ASPHD2: variants seen among roughly 807,000 people sequenced by gnomAD.
ASPHD2 encodes the protein aspartate beta-hydroxylase domain containing 2, also known as aspartate beta-hydroxylase domain-containing protein 2.
In ASPHD2, 12 loss-of-function variants were observed where a neutral mutation model predicts 34.6. That is an observed-to-expected ratio of 0.35 (90% CI 0.22 to 0.56). The LOEUF is 0.56. Among genes scored for constraint, ASPHD2 ranks in the 20% least tolerant of loss-of-function variants. The pLI is 0.87. For synonymous variants in ASPHD2, 224 were observed against 212.2 expected (o/e 1.06, Z -0.48); for missense variants, 375 against 505.0 (o/e 0.74, Z 2.47).
At position 26,443,406 on chromosome 22, in the gene ASPHD2, T is replaced by G. The variant is rs1346477101; in HGVS notation, c.*200T>G. Reference sequence around the variant, plus strand: ...TGGAAACTTTTCGGCTTGTATTTCCTTAGATTTTTTTTTTTTCCTTCCAAT... The same window carrying G: ...TGGAAACTTTTCGGCTTGTATTTCCGTAGATTTTTTTTTTTTCCTTCCAAT... On this transcript the variant is annotated 3_prime_UTR_variant, in exon 4 of 4. Coordinates refer to ENST00000215906, the MANE Select transcript of ASPHD2 (RefSeq NM_020437.5). 1.8e-6 allele frequency: 1 copy of G among 543,864 alleles called. No homozygotes were observed. Among genetic ancestry groups the G allele is most frequent in the Admixed American group, 3.5e-5 (1 of 28,756 alleles). The allele number at this position is 543,864 out of a possible 1,614,324, so 33.7% of individuals were successfully genotyped here.
rs1404903648 is a variant in ASPHD2 at position 26,433,352 on chromosome 22, C to T, written c.-224-40C>T. 1 of 517,404 alleles carries T rather than the reference C, an allele frequency of 1.9e-6. No individual in the cohort carries two copies. Among genetic ancestry groups the T allele is most frequent in the Non-Finnish European group, 3.4e-6 (1 of 294,180 alleles). The allele number at this position is 517,404 out of a possible 1,614,324, so 32.1% of individuals were successfully genotyped here. On this transcript the variant is annotated intron_variant, in intron 1 of 3. Transcript: ENST00000215906. The surrounding 1 kb of genome is among the most constrained non-coding windows in gnomAD (Gnocchi z 5.1). The stretch of plus-strand genomic sequence containing the variant: ...TTTACATTTCAGTTGAGGACTTTTC[C>T]AGGTGTAAAATTTATGCTGATTTTT...
chr22:26,435,755 G>GAAAAGAAAAGAA, intron 2 of ASPHD2, among the ~76,000 whole-genome samples: 1 of 86,136 alleles, frequency 1.2e-5, no homozygotes, highest in South Asian at 3.0e-4. Flanking sequence ...GAAAAGAAAA[G>GAAAAGAAAAGAA]AAAAGAAAAA....
At chr22:26,438,452 CATATATAT>C (rs1179581270) in intron 2 of ASPHD2, among the ~76,000 whole-genome samples, 1 of 126,530 alleles carries the variant, frequency 7.9e-6, no homozygotes, top group Non-Finnish European at 1.7e-5. Context: ...CATATATATA[CATATATAT>C]ACACACACAC....
chr22:26,443,117 C>T lies in ASPHD2; in HGVS notation c.1021C>T (p.Arg341Trp), dbSNP rs145158799. Residue 341 changes from arginine (R) to tryptophan (W), a missense_variant, in exon 4 of 4, where the codon CGG becomes TGG. Coordinates refer to ENST00000215906, the MANE Select transcript of ASPHD2 (RefSeq NM_020437.5). Reference protein sequence around the residue: ...FHEGSAEDGPRVVFMVDLWHP... With the variant: ...FHEGSAEDGPWVVFMVDLWHP... Reference sequence around the variant, plus strand: ...CCCAGGTTCAGCAGAGGATGGCCCACGGGTGGTTTTCATGGTGGATTTGTG... The same window carrying T: ...CCCAGGTTCAGCAGAGGATGGCCCATGGGTGGTTTTCATGGTGGATTTGTG... 73 of 1,613,968 alleles carry T rather than the reference C, an allele frequency of 4.5e-5. No homozygotes were observed. Among genetic ancestry groups the T allele is most frequent in the African/African-American group, 2.3e-4 (17 of 74,914 alleles).
chr22:26,436,841 C>CGTGT (rs1568983412), intron 2 of ASPHD2, among the ~76,000 whole-genome samples: 2 of 108,438 alleles, frequency 1.8e-5, no homozygotes, highest in Non-Finnish European at 3.8e-5. Context: ...GATATGCATG[C>CGTGT]ATGTGTGTGT....
chr22:26,430,897 T>TAC (rs957938214), intron 1 of ASPHD2, among the ~76,000 whole-genome samples: 1 of 152,186 alleles, frequency 6.6e-6, no homozygotes, highest in Admixed American at 6.5e-5. Flanking sequence ...GCTGGCTTAG[T>TAC]ACAGAAGGAG....
chr22:26,436,137 G>T (rs3788400), intron 2 of ASPHD2, among the ~76,000 whole-genome samples: 7 of 152,000 alleles, frequency 4.6e-5, no homozygotes, highest in African/African-American at 1.7e-4. Context: ...AACAGGCTTC[G>T]GAAGCAAACA....
chr22:26,434,112 A>G lies in ASPHD2; in HGVS notation c.497A>G (p.Glu166Gly). Residue 166 changes from glutamate to glycine, a missense_variant, in exon 2 of 4, where the codon GAG becomes GGG. Physicochemically the swap from Glu to Gly is moderately conservative, Grantham distance 98. Transcript: ENST00000215906. ...AGCCGGCCCTCCATCCAGAAGCCCGAGGTCTTCTTCCTGCCCGACCTGCCC... is the reference window on the plus strand; with the variant it reads ...AGCCGGCCCTCCATCCAGAAGCCCGGGGTCTTCTTCCTGCCCGACCTGCCC... ...LNSRPSIQKPEVFFLPDLPTT... is the reference protein window; with the variant it reads ...LNSRPSIQKPGVFFLPDLPTT... 1.2e-6 allele frequency: 2 copies of G among 1,612,612 alleles called. No homozygotes were observed. The highest frequency in any genetic ancestry group is 1.7e-6 in the Non-Finnish European group (2 of 1,179,534).
intron 2 of ASPHD2, 114 bp downstream of exon 2, chr22:26,434,615 CT>C: frequency 8.2e-7 from 1 of 1,218,822 alleles, no homozygotes; most frequent in Non-Finnish European, 1.1e-6. Context: ...GCATTGTTCA[CT>C]TTTAGCAAAA....
intron 2 of ASPHD2, among the ~76,000 whole-genome samples, chr22:26,436,479 G>A (rs984709010): frequency 1.3e-5 from 2 of 152,176 alleles, no homozygotes; most frequent in Admixed American, 6.5e-5. Flanking sequence ...ATCAGGTGCC[G>A]CCAGGGTGGA....
At position 26,444,126 on chromosome 22, in the gene ASPHD2, C is replaced by T. The variant is rs953021911; in HGVS notation, c.*920C>T. On this transcript the variant is annotated 3_prime_UTR_variant, in exon 4 of 4. Coordinates refer to ENST00000215906, the MANE Select transcript of ASPHD2 (RefSeq NM_020437.5). ...GATAGGAGCTGTAGGGGGATAGGAC[C>T]GCGCTCACCCAGCGACATTTGGGGA... The T allele has an allele frequency of 2.0e-5, 3 of 152,242 alleles. No homozygotes were observed. Among genetic ancestry groups the T allele is most frequent in the African/African-American group, 4.8e-5 (2 of 41,546 alleles). The allele number at this position is 152,242 out of a possible 1,614,324, so 9.4% of individuals were successfully genotyped here.
chr22:26,439,211 C>T (rs1003820093), intron 2 of ASPHD2, among the ~76,000 whole-genome samples: 10 of 152,060 alleles, frequency 6.6e-5, no homozygotes, highest in African/African-American at 1.9e-4. Flanking sequence ...CCAGCCTGGC[C>T]AACATGGTGA....
intron 2 of ASPHD2, among the ~76,000 whole-genome samples, chr22:26,436,891 A>G (rs1272925584): frequency 2.0e-5 from 3 of 151,890 alleles, no homozygotes; most frequent in Non-Finnish European, 4.4e-5. Context: ...GCTGGCTCAC[A>G]CTGTGGCCTG....
rs1315687822 is a variant in ASPHD2, at chr22:26,442,492, T to TG, written c.926dup (p.Glu310ArgfsTer14). On this transcript the variant is annotated frameshift_variant, in exon 3 of 4. Coordinates refer to ENST00000215906, the MANE Select transcript of ASPHD2 (RefSeq NM_020437.5). LOFTEE classifies it high-confidence loss of function. ...ACTCCAAATGGCTGTGAGCTGGTGG[T>TG]GGGGGGAGAGCCCCAGTGCTGGGCA... 6.2e-7 allele frequency: 1 copy of TG among 1,608,864 alleles called. No individual in the cohort carries two copies.
chr22:26,438,177 C>G lies in ASPHD2; in HGVS notation c.886+3676C>G, dbSNP rs1324647051. Among the ~76,000 whole-genome samples the G allele has an allele frequency of 5.3e-5, 8 of 152,140 alleles. No individual in the cohort carries two copies. In the East Asian group the frequency reaches 1.5e-3, roughly 29 times the overall value. Reference sequence around the variant, plus strand: ...CTGTCCCTGCAGAGAACTGCCCATTCCTAAAGGCCTTCGCCACCTGAACCA... The same window carrying G: ...CTGTCCCTGCAGAGAACTGCCCATTGCTAAAGGCCTTCGCCACCTGAACCA... On this transcript the variant is annotated intron_variant, in intron 2 of 3. Transcript: ENST00000215906.
rs1305316405 is a variant in ASPHD2 at position 26,433,784 on chromosome 22, G to C, written c.169G>C (p.Asp57His). Reference sequence around the variant, plus strand: ...CGGCATCCAGTCCGTGCGGGACTGCGACACCACCGCTGTCATCACTGTGGC... The same window carrying C: ...CGGCATCCAGTCCGTGCGGGACTGCCACACCACCGCTGTCATCACTGTGGC... ...ATGIQSVRDC[D>H]TTAVITVACL... The change falls in exon 2 of 4, where the codon GAC (aspartate) becomes CAC (histidine). Residue 57 changes from aspartate to histidine, a missense_variant. By Grantham distance (81) the Asp-to-His change is moderately conservative. Around this residue, in one of 3 missense-constraint regions of ASPHD2, gnomAD observed 223 missense variants for 257.8 expected, o/e 0.87. Transcript: ENST00000215906. This position sits in a 1 kb window ranked among gnomAD's most constrained non-coding sequence, Gnocchi z 5.1. 6.2e-7 allele frequency: 1 copy of C among 1,613,750 alleles called. No individual in the cohort carries two copies. The highest frequency in any genetic ancestry group is 8.5e-7 in the Non-Finnish European group (1 of 1,180,026).
chr22:26,438,442 C>T (rs1052471703), intron 2 of ASPHD2, among the ~76,000 whole-genome samples: 4 of 136,410 alleles, frequency 2.9e-5, no homozygotes, highest in Non-Finnish European at 6.3e-5. Flanking sequence ...TACACACATA[C>T]ATATATATAC....
rs765291503 is a variant in ASPHD2 at position 26,433,624 on chromosome 22, G to A, written c.9G>A (p.Trp3Ter). Reference sequence around the variant, plus strand: ...CCCCCACGCTAATCTGCATGGTGTGGGCGCCCTTGGGACCCCCGAGGACTG... The same window carrying A: ...CCCCCACGCTAATCTGCATGGTGTGAGCGCCCTTGGGACCCCCGAGGACTG... The part of the protein sequence containing the change: MV[W>*]APLGPPRTDC... The change falls in exon 2 of 4, where the codon TGG becomes TGA. Residue 3 changes from tryptophan to a stop codon, truncating the protein, a stop_gained. Transcript: ENST00000215906. LOFTEE classifies it high-confidence loss of function. The surrounding 1 kb of genome is among the most constrained non-coding windows in gnomAD (Gnocchi z 5.1). 3.1e-6 allele frequency: 5 copies of A among 1,613,312 alleles called. No homozygotes were observed. In the East Asian group the frequency reaches 6.7e-5, roughly 22 times the overall value.
In ASPHD2 at chr22:26,442,590, C is replaced by G; in HGVS notation, c.1000+18C>G. 2.0e-6 allele frequency: 3 copies of G among 1,531,466 alleles called. No homozygotes were observed. The highest frequency in any genetic ancestry group is 2.7e-6 in the Non-Finnish European group (3 of 1,127,092). The allele number at this position is 1,531,466 out of a possible 1,614,324, so 94.9% of individuals were successfully genotyped here. Reference sequence around the variant, plus strand: ...CCATGAAGGTGAGTGGCTGCCTTTCCCACTTCCTTTTTTTCAATGAATAGA... The same window carrying G: ...CCATGAAGGTGAGTGGCTGCCTTTCGCACTTCCTTTTTTTCAATGAATAGA... On this transcript the variant is annotated intron_variant, in intron 3 of 3. Coordinates refer to ENST00000215906, the MANE Select transcript of ASPHD2 (RefSeq NM_020437.5).
Sources: gnomAD v4.1 joint callset for allele counts (sites outside exome capture counted in the v4.1 genomes callset) on GRCh38, gnomAD v4.1.1 for gene constraint, gnomAD v4.1.1 regional missense constraint, Gnocchi (gnomAD v3.1) non-coding constraint, MANE v1.5 for transcripts, NCBI Gene and HGNC (gene_info 2026-07-23, HGNC 2026-07-21) for gene names.